NUP210: variants seen among roughly 807,000 people sequenced by gnomAD.
The protein encoded by NUP210 is nuclear pore membrane glycoprotein 210.
NUP210 carries 151 observed loss-of-function variants against 196.0 expected under a neutral mutation model. The ratio of observed to expected loss-of-function variants is 0.77; its 90% CI spans 0.67 to 0.88. NUP210 has a LOEUF of 0.88. Ranked by LOEUF, NUP210 falls within the 40% of genes least tolerant of loss-of-function variation. The probability of loss-of-function intolerance (pLI) is 0.00; values close to 1 mark genes in which losing one functional copy is unlikely to be tolerated. For synonymous variants in NUP210, 1,070 were observed against 1,052.7 expected (o/e 1.02, Z -0.32); for missense variants, 2,314 against 2,493.7 (o/e 0.93, Z 1.53).
At chr3:13,366,230 G>C in intron 13 of NUP210, 139 bp from the exon 14 acceptor site, 1 of 764,196 alleles carries the variant, frequency 1.3e-6, no homozygotes, top group East Asian at 2.7e-5. Context: ...CGGGGTTCAA[G>C]TGATTCTCCT....
chr3:13,419,363 G>A (rs1395470875), intron 1 of NUP210, among the ~76,000 whole-genome samples: 1 of 152,156 alleles, frequency 6.6e-6, no homozygotes, highest in Admixed American at 6.5e-5. Context: ...GTCGGTCTCT[G>A]GTTTCATGGG....
At chr3:13,397,035 G>A (rs1467719859) in intron 3 of NUP210, among the ~76,000 whole-genome samples, 1 of 152,150 alleles carries the variant, frequency 6.6e-6, no homozygotes, top group Non-Finnish European at 1.5e-5. Flanking sequence ...GCTGCACCAA[G>A]GACCAGCACT....
intron 14 of NUP210, among the ~76,000 whole-genome samples, chr3:13,363,956 A>C (rs927995166): frequency 7.2e-5 from 11 of 152,124 alleles, no homozygotes; most frequent in African/African-American, 2.7e-4. Context: ...TAGCTCCCAG[A>C]AGGTGCGCAG....
chr3:13,372,508 G>A (rs1576393949), intron 12 of NUP210, among the ~76,000 whole-genome samples: 1 of 152,338 alleles, frequency 6.6e-6, no homozygotes, highest in African/African-American at 2.4e-5. Context: ...AGTGTGGTGA[G>A]GAGGCTGTTG....
chr3:13,329,399 C>A (rs1367528524), intron 30 of NUP210, among the ~76,000 whole-genome samples: 1 of 152,164 alleles, frequency 6.6e-6, no homozygotes, highest in Non-Finnish European at 1.5e-5. Context: ...TTTCTGGAGC[C>A]CAAGAACCCG....
At chr3:13,384,197 G>A (rs1297137916) in intron 6 of NUP210, among the ~76,000 whole-genome samples, 5 of 150,382 alleles carry the variant, frequency 3.3e-5, no homozygotes, top group African/African-American at 9.8e-5. Flanking sequence ...CCCTGACCTC[G>A]TGATCCGCCC....
At chr3:13,383,403 A>T (rs537409262) in intron 6 of NUP210, among the ~76,000 whole-genome samples, 1 of 151,872 alleles carries the variant, frequency 6.6e-6, no homozygotes, top group East Asian at 1.9e-4. Flanking sequence ...ATGTGCTCCA[A>T]TTCCTTGATG....
rs1698805502 is a variant in NUP210, at chr3:13,373,711, A to C, written c.1587+7T>G. 1 of 1,613,764 alleles carries C rather than the reference A, an allele frequency of 6.2e-7. No individual in the cohort carries two copies. Among genetic ancestry groups the C allele is most frequent in the African/African-American group, 1.3e-5 (1 of 74,866 alleles). ...TCCCAGGGGGTGTCTTGGCCCTGAG[A>C]TCTCACCTTCATCTCACCGAAATGG... On this transcript the variant is annotated splice_region_variant and intron_variant, in intron 12 of 39. Coordinates refer to ENST00000254508, the MANE Select transcript of NUP210 (RefSeq NM_024923.4).
intron 13 of NUP210, among the ~76,000 whole-genome samples, chr3:13,367,577 T>C (rs571285753): frequency 3.9e-4 from 60 of 152,312 alleles, no homozygotes; most frequent in Non-Finnish European, 6.6e-4. Context: ...GAAACCCTTC[T>C]GGTATTTGGC....
In NUP210 at chr3:13,319,117, G is replaced by A. The variant is rs371145488; in HGVS notation, c.5518C>T (p.Pro1840Ser). ...CTGGCTCGAGGCGTGAGGGCTGCAG[G>A]CACAGCAAGATCCCGGGGCGTGCAG... Reference protein sequence around the residue: ...TVCTPRDLAVPAALTPRASPG... With the variant: ...TVCTPRDLAVSAALTPRASPG... The change falls in exon 39 of 40, where the codon CCT (proline) becomes TCT (serine). Residue 1840 changes from proline to serine, a missense_variant. Transcript: ENST00000254508. 1.2e-5 allele frequency: 20 copies of A among 1,608,798 alleles called. No individual in the cohort carries two copies. Among genetic ancestry groups the A allele is most frequent in the Non-Finnish European group, 1.6e-5 (19 of 1,177,708 alleles).
chr3:13,395,567 C>T (rs1488854870), intron 3 of NUP210, among the ~76,000 whole-genome samples: 1 of 152,210 alleles, frequency 6.6e-6, no homozygotes, highest in Admixed American at 6.5e-5. Context: ...ATCTGCCCGC[C>T]TCGGCCTCCC....
intron 16 of NUP210, 75 bp downstream of exon 16, chr3:13,358,147 T>C (rs542116407): frequency 2.1e-6 from 3 of 1,398,182 alleles, no homozygotes; most frequent in Non-Finnish European, 3.0e-6. Flanking sequence ...CTCGGGACCA[T>C]GGGCGAGGCC....
At chr3:13,419,865 G>A (rs999253833) in intron 1 of NUP210, among the ~76,000 whole-genome samples, 195 bp downstream of exon 1, 169 of 151,752 alleles carry the variant, frequency 1.1e-3, no homozygotes, top group Admixed American at 9.5e-3. Context: ...CGGCGCGGAG[G>A]CCCGGACGGC....
intron 12 of NUP210, among the ~76,000 whole-genome samples, 174 bp from the exon 13 acceptor site, chr3:13,372,206 A>G (rs1422823142): frequency 6.6e-6 from 1 of 152,196 alleles, no homozygotes; most frequent in Non-Finnish European, 1.5e-5. Context: ...CTCTCTGAGG[A>G]GTGGCCTAGG....
chr3:13,373,529 G>T (rs1199088792), intron 12 of NUP210, among the ~76,000 whole-genome samples, 189 bp downstream of exon 12: 5 of 152,196 alleles, frequency 3.3e-5, no homozygotes, highest in African/African-American at 1.2e-4. Context: ...ATTGTTGGCT[G>T]GTGTGAGACA....
intron 1 of NUP210, among the ~76,000 whole-genome samples, chr3:13,401,381 C>T (rs1699835139): frequency 6.6e-6 from 1 of 152,044 alleles, no homozygotes; most frequent in Non-Finnish European, 1.5e-5. Flanking sequence ...TCCAACACAC[C>T]TGAGCATGCC....
chr3:13,318,935 G>T, intron 39 of NUP210, 137 bp downstream of exon 39: 1 of 791,236 alleles, frequency 1.3e-6, no homozygotes, highest in Non-Finnish European at 2.0e-6. Context: ...TCCCACATCT[G>T]TCCTCTGGGC....
chr3:13,351,648 A>C, intron 20 of NUP210: 1 of 472,884 alleles, frequency 2.1e-6, no homozygotes, highest in Non-Finnish European at 3.8e-6. Flanking sequence ...TACCATGCCC[A>C]GCTAATTTTT....
At chr3:13,329,002 G>A (rs1696890742) in intron 30 of NUP210, 56 bp from the exon 31 acceptor site, 1 of 1,524,856 alleles carries the variant, frequency 6.6e-7, no homozygotes, top group African/African-American at 1.4e-5. Flanking sequence ...TGGCCTCCAG[G>A]AAAACCCACC....
Sources: allele counts gnomAD v4.1 joint callset (sites outside exome capture counted in the v4.1 genomes callset), GRCh38; gene constraint gnomAD v4.1.1; transcripts MANE v1.5; gene names NCBI Gene and HGNC (gene_info 2026-07-23, HGNC 2026-07-21).